Variants in EVC2 observed in about 807,000 individuals in gnomAD.
The protein encoded by EVC2 is EvC ciliary complex subunit 2.
A neutral mutation model predicts 149.3 loss-of-function variants in EVC2; 148 were observed. The ratio of observed to expected loss-of-function variants is 0.99; its 90% CI spans 0.87 to 1.14. EVC2 has a LOEUF of 1.14. Among genes scored for constraint, EVC2 ranks in the 50% most tolerant of loss-of-function variants. The probability of loss-of-function intolerance (pLI) is 0.00; values close to 1 mark genes in which losing one functional copy is unlikely to be tolerated. For missense variants in EVC2, 1,854 were observed against 1,627.3 expected (o/e 1.14, Z -2.40); for synonymous variants, 776 against 649.9 (o/e 1.19, Z -2.95).
intron 16 of EVC2, among the ~76,000 whole-genome samples, chr4:5,604,786 G>A (rs948893689): frequency 6.6e-6 from 1 of 151,828 alleles, no homozygotes; most frequent in Non-Finnish European, 1.5e-5. Flanking sequence ...TCCTATGTAT[G>A]TAACAAAATA....
At chr4:5,592,910 T>A (rs1353491667) in intron 16 of EVC2, among the ~76,000 whole-genome samples, 1 of 152,148 alleles carries the variant, frequency 6.6e-6, no homozygotes, top group East Asian at 1.9e-4. Flanking sequence ...TGAATTGTAG[T>A]TCTCATAATC....
At chr4:5,634,552 T>C (rs983940347) in intron 10 of EVC2, among the ~76,000 whole-genome samples, 2 of 152,180 alleles carry the variant, frequency 1.3e-5, no homozygotes, top group Non-Finnish European at 2.9e-5. Flanking sequence ...AATAAAATAT[T>C]TGGGCCTTTT....
intron 16 of EVC2, among the ~76,000 whole-genome samples, chr4:5,586,264 G>A (rs1436720099): frequency 6.6e-6 from 1 of 151,986 alleles, no homozygotes; most frequent in African/African-American, 2.4e-5. Flanking sequence ...TCCCTTTGTT[G>A]CTTTATTAGC....
chr4:5,565,389 C>CA (rs1722214253), intron 20 of EVC2, 30 bp from the exon 21 acceptor site: 7 of 1,602,358 alleles, frequency 4.4e-6, no homozygotes, highest in Non-Finnish European at 6.0e-6. Context: ...CTTATAGTTT[C>CA]AAAAATACGC....
At chr4:5,705,805 C>T (rs1231693358) in intron 1 of EVC2, among the ~76,000 whole-genome samples, 3 of 152,052 alleles carry the variant, frequency 2.0e-5, no homozygotes, top group Non-Finnish European at 4.4e-5. Flanking sequence ...AGCTGTGACT[C>T]CATGGACCCC....
intron 10 of EVC2, among the ~76,000 whole-genome samples, chr4:5,639,590 A>T (rs1302969328): frequency 6.6e-6 from 1 of 152,230 alleles, no homozygotes; most frequent in Non-Finnish European, 1.5e-5. Context: ...TTAGACTTGC[A>T]GTGCCTAATT....
intron 12 of EVC2, among the ~76,000 whole-genome samples, chr4:5,627,998 T>C (rs1048850871): frequency 6.6e-6 from 1 of 152,184 alleles, no homozygotes; most frequent in Non-Finnish European, 1.5e-5. Context: ...ATACAGACTA[T>C]TGCAACTATA....
rs569945829 is a variant in EVC2, at chr4:5,659,248, T to C, written c.1145+3859A>G. Among the ~76,000 whole-genome samples, 11 of 152,254 alleles carry C rather than the reference T, an allele frequency of 7.2e-5. No individual in the cohort carries two copies. In the South Asian group the frequency reaches 2.3e-3, roughly 32 times the overall value. ...AGAATTACAAATGCGATAACTGATT[T>C]GCCAGAGAAAAATGCTATTTTTAGT... is the stretch of plus-strand genomic sequence containing the variant. On this transcript the variant is annotated intron_variant, in intron 9 of 21. Transcript: ENST00000344408.
intron 16 of EVC2, among the ~76,000 whole-genome samples, chr4:5,605,708 A>T (rs925864066): frequency 6.6e-6 from 1 of 152,214 alleles, no homozygotes; most frequent in Non-Finnish European, 1.5e-5. Context: ...TTTGAGTGAC[A>T]GCCTTACAGT....
intron 16 of EVC2, among the ~76,000 whole-genome samples, chr4:5,612,729 T>C (rs1714930864): frequency 1.3e-5 from 2 of 152,014 alleles, no homozygotes. Context: ...CAGACCATCC[T>C]GGCTAATGCG....
At chr4:5,638,253 G>A (rs1717028019) in intron 10 of EVC2, among the ~76,000 whole-genome samples, 1 of 152,110 alleles carries the variant, frequency 6.6e-6, no homozygotes, top group Non-Finnish European at 1.5e-5. Context: ...GCCGGGCGTG[G>A]TGGCAAGCGC....
rs1401824914 is a variant in EVC2 at position 5,651,670 on chromosome 4, C to T, written c.1146-10832G>A. ...AAGGTAGCTTTAGAAATGGAATAAA[C>T]CTTGGATGTCAGCTAAGTAAGTCAC... is the stretch of plus-strand genomic sequence containing the variant. On this transcript the variant is annotated intron_variant, in intron 9 of 21. Coordinates refer to ENST00000344408, the MANE Select transcript of EVC2 (RefSeq NM_147127.5). Among the ~76,000 whole-genome samples, 4 of 152,130 alleles carry T rather than the reference C, an allele frequency of 2.6e-5. 1 individual carries two copies. The highest frequency in any genetic ancestry group is 9.7e-5 in the African/African-American group (4 of 41,412).
chr4:5,557,395 G>A (rs970436969), intron 21 of EVC2, among the ~76,000 whole-genome samples: 1 of 152,082 alleles, frequency 6.6e-6, no homozygotes. Context: ...GCACACTATA[G>A]AGAGGCACTT....
intron 4 of EVC2, among the ~76,000 whole-genome samples, chr4:5,690,410 T>TG (rs1490948386): frequency 6.6e-6 from 1 of 151,548 alleles, no homozygotes. Flanking sequence ...TTGTTGTTTT[T>TG]TTTTTTTTTT....
At chr4:5,598,417 T>G (rs1287662655) in intron 16 of EVC2, among the ~76,000 whole-genome samples, 2 of 151,364 alleles carry the variant, frequency 1.3e-5, no homozygotes, top group African/African-American at 2.4e-5. Flanking sequence ...TAATGCCGCA[T>G]ATCTACAACT....
At chr4:5,557,246 C>T (rs932076179) in intron 21 of EVC2, among the ~76,000 whole-genome samples, 6 of 152,024 alleles carry the variant, frequency 3.9e-5, no homozygotes, top group African/African-American at 1.4e-4. Context: ...GGATTTATCC[C>T]AGGTATGCAA....
intron 2 of EVC2, 70 bp downstream of exon 2, chr4:5,697,523 G>T: frequency 2.7e-6 from 4 of 1,474,878 alleles, no homozygotes; most frequent in Non-Finnish European, 3.8e-6. Flanking sequence ...GGAGCTGGAG[G>T]AAGGAGGGCT....
chr4:5,593,462 G>T (rs1298596324), intron 16 of EVC2, among the ~76,000 whole-genome samples: 1 of 152,228 alleles, frequency 6.6e-6, no homozygotes, highest in Non-Finnish European at 1.5e-5. Context: ...AGGTGCCACA[G>T]ATTCGTACAG....
intron 16 of EVC2, among the ~76,000 whole-genome samples, chr4:5,594,585 T>A (rs1020805983): frequency 2.6e-5 from 4 of 151,936 alleles, no homozygotes; most frequent in African/African-American, 7.3e-5. Context: ...ATCACCATCA[T>A]CAAAGACCAA....
Sources: allele counts gnomAD v4.1 joint callset (sites outside exome capture counted in the v4.1 genomes callset), GRCh38; gene constraint gnomAD v4.1.1; transcripts MANE v1.5; gene names NCBI Gene and HGNC (gene_info 2026-07-23, HGNC 2026-07-21).